CAMKMT: variants seen among roughly 807,000 people sequenced by gnomAD.
CAMKMT encodes calmodulin-lysine N-methyltransferase.
Under a neutral mutation model 48.0 loss-of-function variants are expected in CAMKMT, and 53 were observed. The ratio of observed to expected loss-of-function variants is 1.10; its 90% CI spans 0.89 to 1.39. CAMKMT has a LOEUF of 1.39. Among genes scored for constraint, CAMKMT ranks in the 40% most tolerant of loss-of-function variants. The probability of loss-of-function intolerance (pLI) is 0.00; values close to 1 mark genes in which losing one functional copy is unlikely to be tolerated. For missense variants in CAMKMT, 428 were observed against 402.7 expected, an observed-to-expected ratio of 1.06 and a Z score of -0.54; for synonymous variants, 165 against 152.3, an observed-to-expected ratio of 1.08 and a Z score of -0.61.
At chr2:44,482,855 C>G (rs1377068496) in intron 3 of CAMKMT, among the ~76,000 whole-genome samples, 7 of 152,104 alleles carry the variant, frequency 4.6e-5, no homozygotes, top group Non-Finnish European at 1.0e-4. Context: ...TATTCTCTCT[C>G]TTCATGGAAT....
chr2:44,387,946 C>T (rs887454896), intron 2 of CAMKMT, among the ~76,000 whole-genome samples: 1 of 152,164 alleles, frequency 6.6e-6, no homozygotes, highest in South Asian at 2.1e-4. Context: ...GGTGCTTTTG[C>T]CTCACAGCTC....
intron 3 of CAMKMT, among the ~76,000 whole-genome samples, chr2:44,485,682 A>G (rs963856082): frequency 2.6e-5 from 4 of 152,218 alleles, no homozygotes; most frequent in African/African-American, 9.6e-5. Context: ...GTATTTATGT[A>G]TCTAAACATA....
chr2:44,575,986 G>A (rs1233194852), intron 3 of CAMKMT, among the ~76,000 whole-genome samples: 1 of 152,084 alleles, frequency 6.6e-6, no homozygotes, highest in African/African-American at 2.4e-5. Context: ...AGAGGGCACA[G>A]GTGGTGAAAC....
chr2:44,439,915 C>T (rs1365770637), intron 3 of CAMKMT, among the ~76,000 whole-genome samples: 4 of 152,020 alleles, frequency 2.6e-5, no homozygotes, highest in African/African-American at 9.7e-5. Flanking sequence ...ATGTCAGGAG[C>T]CAACAACAGA....
rs1322816365 is a variant in CAMKMT, at chr2:44,424,701, T to C, written c.376+34396T>C. On this transcript the variant is annotated intron_variant, in intron 3 of 10. Transcript: ENST00000378494. ...ACCAAACATCATATGTTCTCACTCATAAGTGGGAGCTAAGCTATGAGGATG... is the reference window on the plus strand; with the variant it reads ...ACCAAACATCATATGTTCTCACTCACAAGTGGGAGCTAAGCTATGAGGATG... 2.6e-5 allele frequency among the ~76,000 whole-genome samples: 4 copies of C among 152,282 alleles called. No homozygotes were observed. The East Asian group carries it at 7.7e-4, about 29-fold the overall frequency.
intron 3 of CAMKMT, among the ~76,000 whole-genome samples, chr2:44,519,263 C>A (rs1390748150): frequency 1.3e-5 from 2 of 152,178 alleles, no homozygotes; most frequent in African/African-American, 4.8e-5. Context: ...TGAACTTTTT[C>A]CCTCTATACA....
chr2:44,482,657 T>C (rs988322060), intron 3 of CAMKMT, among the ~76,000 whole-genome samples: 3 of 152,154 alleles, frequency 2.0e-5, no homozygotes, highest in Non-Finnish European at 4.4e-5. Context: ...TTCTTCAGAC[T>C]TCTGGACCCT....
intron 3 of CAMKMT, among the ~76,000 whole-genome samples, chr2:44,672,263 T>A (rs1675373842): frequency 6.6e-6 from 1 of 152,182 alleles, no homozygotes. Context: ...CAGCAATACA[T>A]ACTTACTCGG....
In CAMKMT at chr2:44,603,080, A is replaced by G. The variant is rs555424051; in HGVS notation, c.377-101203A>G. 6.3e-4 allele frequency among the ~76,000 whole-genome samples: 96 copies of G among 152,062 alleles called. 1 individual carries two copies. The highest frequency in any genetic ancestry group is 1.1e-3 in the Non-Finnish European group (77 of 68,006). ...TATATAGATACACACACATATATAT[A>G]TGTGTTTATATATATCTTTGTTTTT... is the stretch of plus-strand genomic sequence containing the variant. On this transcript the variant is annotated intron_variant, in intron 3 of 10. Transcript: ENST00000378494.
At chr2:44,744,627 T>A (rs171076) in intron 8 of CAMKMT, among the ~76,000 whole-genome samples, 26,150 of 152,088 alleles carry the variant, frequency 0.17, 2,348 homozygotes, top group South Asian at 0.22. Flanking sequence ...TCTGTTATAT[T>A]GATAAGGCCA....
At chr2:44,393,949 G>T (rs1372569145) in intron 3 of CAMKMT, among the ~76,000 whole-genome samples, 1 of 152,094 alleles carries the variant, frequency 6.6e-6, no homozygotes, top group Non-Finnish European at 1.5e-5. Flanking sequence ...GTAATTCTCA[G>T]TGCTTACTTG....
chr2:44,707,289 A>C (rs1479012008), intron 5 of CAMKMT, 110 bp from the exon 6 acceptor site: 1 of 835,770 alleles, frequency 1.2e-6, no homozygotes, highest in Admixed American at 2.5e-5. Flanking sequence ...AGATTGTTAC[A>C]GAGAAATAGG....
intron 7 of CAMKMT, among the ~76,000 whole-genome samples, chr2:44,728,997 A>G (rs1431535814): frequency 1.3e-5 from 2 of 150,516 alleles, no homozygotes; most frequent in East Asian, 2.0e-4. Flanking sequence ...GTCTTATTTC[A>G]CAATACAACA....
intron 10 of CAMKMT, among the ~76,000 whole-genome samples, chr2:44,768,939 T>C (rs969289096): frequency 2.6e-5 from 4 of 152,152 alleles, no homozygotes; most frequent in Non-Finnish European, 5.9e-5. Flanking sequence ...CGCCTGATAA[T>C]GCCGCTCTTT....
chr2:44,396,973 C>T (rs972944045), intron 3 of CAMKMT, among the ~76,000 whole-genome samples: 1 of 150,558 alleles, frequency 6.6e-6, no homozygotes, highest in Non-Finnish European at 1.5e-5. Context: ...GCAGTAGAAT[C>T]GCTTGAACCC....
chr2:44,715,844 G>A (rs987413660), intron 7 of CAMKMT, among the ~76,000 whole-genome samples: 25 of 152,088 alleles, frequency 1.6e-4, no homozygotes, highest in African/African-American at 4.3e-4. Flanking sequence ...GGACACCCCC[G>A]TACAACAAAG....
intron 3 of CAMKMT, among the ~76,000 whole-genome samples, chr2:44,467,219 T>C (rs1668165677): frequency 6.6e-6 from 1 of 151,488 alleles, no homozygotes. Flanking sequence ...ATCATGACAC[T>C]GTACTCAGCA....
chr2:44,656,694 G>T (rs1420242537), intron 3 of CAMKMT, among the ~76,000 whole-genome samples: 1 of 151,758 alleles, frequency 6.6e-6, no homozygotes, highest in Non-Finnish European at 1.5e-5. Flanking sequence ...TCTGGAAAAG[G>T]TCCCCCCCAC....
At chr2:44,665,190 C>T (rs1674895974) in intron 3 of CAMKMT, among the ~76,000 whole-genome samples, 2 of 152,266 alleles carry the variant, frequency 1.3e-5, no homozygotes, top group Non-Finnish European at 2.9e-5. Context: ...CCTGCCTCAG[C>T]CTCCTGAGTA....
Sources: gnomAD v4.1 joint callset for allele counts (sites outside exome capture counted in the v4.1 genomes callset) on GRCh38, gnomAD v4.1.1 for gene constraint, MANE v1.5 for transcripts, NCBI Gene and HGNC (gene_info 2026-07-23, HGNC 2026-07-21) for gene names.